MYLK3: variants seen among roughly 807,000 people sequenced by gnomAD.
The protein encoded by MYLK3 is MLC kinase.
A neutral mutation model predicts 76.3 loss-of-function variants in MYLK3; 55 were observed. The ratio of observed to expected loss-of-function variants is 0.72; its 90% confidence interval spans 0.58 to 0.90. MYLK3 has a LOEUF of 0.90. MYLK3 is among the 40% of genes least tolerant of loss of function. MYLK3 has a pLI of 0.00. For synonymous variants in MYLK3, 416 were observed against 425.4 expected, an observed-to-expected ratio of 0.98 and a Z score of 0.27; for missense variants, 973 against 1,053.6, an observed-to-expected ratio of 0.92 and a Z score of 1.06.
intron 9 of MYLK3, 44 bp downstream of exon 9, chr16:46,721,079 G>T: frequency 6.5e-7 from 1 of 1,549,596 alleles, no homozygotes; most frequent in Non-Finnish European, 8.9e-7. Flanking sequence ...GCCACAAAGA[G>T]TCCCAAGGAA....
intron 8 of MYLK3, chr16:46,726,735 A>G (rs1275223912): frequency 6.9e-6 from 1 of 144,310 alleles, no homozygotes; most frequent in Non-Finnish European, 1.5e-5. Flanking sequence ...GAAAGAAAGA[A>G]AAGAAAGAGA....
chr16:46,723,076 T>C (rs1254993492), intron 8 of MYLK3, among the ~76,000 whole-genome samples: 1 of 152,162 alleles, frequency 6.6e-6, no homozygotes, highest in Non-Finnish European at 1.5e-5. Context: ...CTATCTAATT[T>C]TGGAACATTT....
intron 1 of MYLK3, among the ~76,000 whole-genome samples, chr16:46,742,945 T>C (rs924896282): frequency 6.6e-6 from 1 of 152,232 alleles, no homozygotes; most frequent in African/African-American, 2.4e-5. Flanking sequence ...GAAAGGGACT[T>C]GGACAGACTG....
chr16:46,729,108 ATGT>A lies in MYLK3; in HGVS notation c.1685_1687del (p.Asn562del), dbSNP rs1341295691. Reference sequence around the variant, plus strand: ...GTTCACGTGGCTGAGCTGGTTCATGATGTTGATCTCGTTCTTCACGTCCTCCTT... The same window carrying A: ...GTTCACGTGGCTGAGCTGGTTCATGATGATCTCGTTCTTCACGTCCTCCTT... On this transcript the variant is annotated inframe_deletion, in exon 7 of 13. Coordinates refer to ENST00000394809, the MANE Select transcript of MYLK3 (RefSeq NM_182493.3). The A allele has an allele frequency of 6.2e-7, 1 of 1,613,958 alleles. No individual in the cohort carries two copies. Among genetic ancestry groups the A allele is most frequent in the South Asian group, 1.1e-5 (1 of 91,064 alleles).
intron 5 of MYLK3, chr16:46,729,979 C>T (rs1461236303): frequency 3.8e-6 from 2 of 529,148 alleles, no homozygotes; most frequent in Non-Finnish European, 3.4e-6. Context: ...ACCACCCAGG[C>T]CATCCTGCAC....
chr16:46,736,285 T>C (rs1240134789), intron 3 of MYLK3, among the ~76,000 whole-genome samples: 3 of 152,134 alleles, frequency 2.0e-5, no homozygotes, highest in Non-Finnish European at 4.4e-5. Context: ...AGTGCTGGGA[T>C]CAAGGCATGA....
At chr16:46,753,646 C>T (rs115386404) in intron 1 of MYLK3, among the ~76,000 whole-genome samples, 4 of 152,182 alleles carry the variant, frequency 2.6e-5, no homozygotes, top group African/African-American at 9.7e-5. Context: ...TGAGGTGGCT[C>T]ACGCCTGTAA....
At chr16:46,763,213 C>T in exon 1 of MYLK3, 1 of 985,466 alleles carries the variant, frequency 1.0e-6, no homozygotes. Flanking sequence ...GCAAGCTGCC[C>T]TCTGGTCTCC....
At chr16:46,730,726 A>G (rs752746191) in intron 4 of MYLK3, 28 bp from the exon 5 acceptor site, 1 of 1,602,184 alleles carries the variant, frequency 6.2e-7, no homozygotes, top group Admixed American at 1.7e-5. Flanking sequence ...AGGACCTGTG[A>G]GCCTCCTCTG....
intron 1 of MYLK3, among the ~76,000 whole-genome samples, chr16:46,760,441 C>T (rs1365041978): frequency 1.3e-5 from 2 of 152,254 alleles, no homozygotes; most frequent in Non-Finnish European, 1.5e-5. Context: ...TAATCCCCTT[C>T]ACTGTGCCCA....
At chr16:46,760,289 A>G (rs1211150577) in intron 1 of MYLK3, among the ~76,000 whole-genome samples, 1 of 152,218 alleles carries the variant, frequency 6.6e-6, no homozygotes, top group African/African-American at 2.4e-5. Flanking sequence ...CTACAAACAC[A>G]CGCGCAGCTT....
At chr16:46,744,897 G>GC (rs918623823) in intron 1 of MYLK3, among the ~76,000 whole-genome samples, 32 of 151,804 alleles carry the variant, frequency 2.1e-4, no homozygotes, top group Admixed American at 2.0e-3. Flanking sequence ...TCAAGATTAT[G>GC]TTTTTTAAAA....
At chr16:46,759,405 G>A (rs569527523) in intron 1 of MYLK3, among the ~76,000 whole-genome samples, 1 of 152,210 alleles carries the variant, frequency 6.6e-6, no homozygotes, top group Non-Finnish European at 1.5e-5. Flanking sequence ...TAACACTAGT[G>A]TTGATTGAGC....
chr16:46,754,674 T>C (rs1011446092), intron 1 of MYLK3, among the ~76,000 whole-genome samples: 1 of 152,198 alleles, frequency 6.6e-6, no homozygotes, highest in Non-Finnish European at 1.5e-5. Context: ...CTTTATAAAT[T>C]ATCCAGTTTC....
rs1230027929 is a variant in MYLK3 at position 46,702,763 on chromosome 16, C to T, written c.*4941G>A. Among the ~76,000 whole-genome samples the T allele has an allele frequency of 6.6e-6, 1 of 151,754 alleles. No individual in the cohort carries two copies. Among genetic ancestry groups the T allele is most frequent in the Non-Finnish European group, 1.5e-5 (1 of 67,912 alleles). On this transcript the variant is annotated 3_prime_UTR_variant, in exon 13 of 13. Transcript: ENST00000394809. The stretch of plus-strand genomic sequence containing the variant: ...GGTGAAAGCCCATCTCTACTAAAAA[C>T]ACAAAAATTAGCTGGGCGTGGTGGC...
intron 3 of MYLK3, among the ~76,000 whole-genome samples, chr16:46,736,229 C>A (rs952571501): frequency 6.6e-6 from 1 of 152,090 alleles, no homozygotes; most frequent in Non-Finnish European, 1.5e-5. Context: ...CCCAGGCTGG[C>A]CTCAAGCTCC....
intron 9 of MYLK3, among the ~76,000 whole-genome samples, chr16:46,713,090 T>G (rs1393979148): frequency 6.6e-6 from 1 of 152,180 alleles, no homozygotes; most frequent in African/African-American, 2.4e-5. Context: ...TGGGAAGTTA[T>G]TATTTAATGG....
chr16:46,704,112 T>C lies in MYLK3; in HGVS notation c.*3592A>G, dbSNP rs531465969. ...TTTTTTTGTTTTGTTTGTTTGTTTG[T>C]TTTTTGTCAGGGGTGGGGACAAAGT... On this transcript the variant is annotated 3_prime_UTR_variant, in exon 13 of 13. Coordinates refer to ENST00000394809, the MANE Select transcript of MYLK3 (RefSeq NM_182493.3). 1 of 152,388 alleles carries C rather than the reference T, an allele frequency of 6.6e-6. No individual in the cohort carries two copies. Among genetic ancestry groups the C allele is most frequent in the African/African-American group, 2.4e-5 (1 of 41,570 alleles). The allele number at this position is 152,388 out of a possible 1,614,324, so 9.4% of individuals were successfully genotyped here.
intron 8 of MYLK3, among the ~76,000 whole-genome samples, chr16:46,722,772 C>T (rs562072888): frequency 2.0e-5 from 3 of 152,308 alleles, no homozygotes; most frequent in South Asian, 2.1e-4. Context: ...GGCAGTGACA[C>T]GATCTCGGCT....
Sources: gnomAD v4.1 joint callset for allele counts (sites outside exome capture counted in the v4.1 genomes callset) on GRCh38, gnomAD v4.1.1 for gene constraint, MANE v1.5 for transcripts, NCBI Gene and HGNC (gene_info 2026-07-23, HGNC 2026-07-21) for gene names.